Variants in TMED8 observed in about 807,000 individuals in gnomAD.
The protein encoded by TMED8 is protein TMED8.
TMED8 carries 15 observed loss-of-function variants against 32.7 expected under a neutral mutation model. That is an observed-to-expected ratio of 0.46 (90% CI 0.31 to 0.71). The LOEUF (loss-of-function observed/expected upper bound fraction) is 0.71. TMED8 is among the 30% of genes least tolerant of loss of function. TMED8 has a pLI of 0.06. For missense variants in TMED8, 390 were observed against 423.9 expected (o/e 0.92, Z 0.70); for synonymous variants, 147 against 161.4 (o/e 0.91, Z 0.68).
intron 1 of TMED8, chr14:77,359,565 C>A: frequency 4.8e-6 from 2 of 413,018 alleles, no homozygotes; most frequent in South Asian, 1.8e-5. Flanking sequence ...TATCTGCTAT[C>A]GAGTAAAACT....
At chr14:77,372,929 TATATATATATATATA>T (rs1893712551) in intron 1 of TMED8, among the ~76,000 whole-genome samples, 1 of 31,974 alleles carries the variant, frequency 3.1e-5, no homozygotes, top group African/African-American at 2.1e-4. Context: ...TATATATATA[TATATATATATATATA>T]TATATATATT....
intron 1 of TMED8, among the ~76,000 whole-genome samples, chr14:77,375,347 C>T (rs1893788356): frequency 6.6e-6 from 1 of 151,942 alleles, no homozygotes; most frequent in South Asian, 2.1e-4. Flanking sequence ...GAAAAAAAAA[C>T]ACACTCATCT....
At position 77,341,828 on chromosome 14, in the gene TMED8, G is replaced by A. The variant is rs1281447579; in HGVS notation, c.921C>T (p.Asn307=). Residue 307 remains asparagine, a synonymous_variant, in exon 6 of 6, where the codon AAC becomes AAT. Transcript: ENST00000216468. The part of the protein sequence containing the change: ...GEGIYLLKFD[N]SYSLLRNKTL... ...TCTTGTTGCGCAGCAGGGAGTAGGAGTTGTCGAACTTGAGCAGGTAGATGC... is the reference window on the plus strand; with the variant it reads ...TCTTGTTGCGCAGCAGGGAGTAGGAATTGTCGAACTTGAGCAGGTAGATGC... 6.2e-7 allele frequency: 1 copy of A among 1,613,808 alleles called. No homozygotes were observed.
At chr14:77,365,816 T>C (rs2139631671) in intron 1 of TMED8, among the ~76,000 whole-genome samples, 1 of 152,300 alleles carries the variant, frequency 6.6e-6, no homozygotes, top group Middle Eastern at 3.4e-3. Context: ...TTTAAGCTAG[T>C]AAATGACATG....
rs375625130 is a variant in TMED8, at chr14:77,335,800, C to T, written c.*5971G>A. 43 of 152,210 alleles carry T rather than the reference C, an allele frequency of 2.8e-4. No individual in the cohort carries two copies. Among genetic ancestry groups the T allele is most frequent in the African/African-American group, 1.0e-3 (42 of 41,522 alleles). The allele number at this position is 152,210 out of a possible 1,614,324, so 9.4% of individuals were successfully genotyped here. ...TAGACTTGGCTTCTCTTTAACATGG[C>T]TAAATGGAAATAATTTAGCTTGGTT... On this transcript the variant is annotated 3_prime_UTR_variant, in exon 6 of 6. Transcript: ENST00000216468.
Position 77,341,588 on chromosome 14 carries a change from C to T in TMED8, c.*183G>A. 3 of 620,936 alleles carry T rather than the reference C, an allele frequency of 4.8e-6. 1 individual carries two copies. The South Asian group carries it at 5.8e-5, about 12-fold the overall frequency. 38.5% of individuals were successfully genotyped at this position (620,936 alleles called of 1,614,324 possible). On this transcript the variant is annotated 3_prime_UTR_variant, in exon 6 of 6. Coordinates refer to ENST00000216468, the MANE Select transcript of TMED8 (RefSeq NM_213601.3). ...GGACTACAGAACAGGGGCACTACAC[C>T]ACCACCTGCAGAAGCCAAGAAGGGG...
At chr14:77,375,832 T>C (rs1405812974) in intron 1 of TMED8, among the ~76,000 whole-genome samples, 2 of 152,218 alleles carry the variant, frequency 1.3e-5, no homozygotes, top group Non-Finnish European at 2.9e-5. Context: ...GTATAGTGTG[T>C]ACCATGGACT....
chr14:77,343,299 A>G lies in TMED8; in HGVS notation c.639T>C (p.Tyr213=). 1 of 1,614,230 alleles carries G rather than the reference A, an allele frequency of 6.2e-7. No homozygotes were observed. The highest frequency in any genetic ancestry group is 1.1e-5 in the South Asian group (1 of 91,086). Residue 213 remains tyrosine (Y), a synonymous_variant, in exon 5 of 6, where the codon TAT becomes TAC. Transcript: ENST00000216468. ...CAAAATAAACTCCAAAGCCAATGTCATAGTCATCGGTCGCAAACTCCCAGC... is the reference window on the plus strand; with the variant it reads ...CAAAATAAACTCCAAAGCCAATGTCGTAGTCATCGGTCGCAAACTCCCAGC... ...RVCWEFATDD[Y]DIGFGVYFDW...
chr14:77,355,016 C>A (rs147956359), intron 1 of TMED8, among the ~76,000 whole-genome samples: 12 of 151,912 alleles, frequency 7.9e-5, no homozygotes, highest in African/African-American at 2.9e-4. Context: ...ATCTCTTGGG[C>A]TCAAGCGGTC....
chr14:77,362,570 G>C (rs774068418), intron 1 of TMED8, among the ~76,000 whole-genome samples: 1 of 151,732 alleles, frequency 6.6e-6, no homozygotes, highest in Non-Finnish European at 1.5e-5. Context: ...AAGGAACAAG[G>C]GCTCTACAAA....
In TMED8 at chr14:77,343,777, A is replaced by G. The variant is rs777825247; in HGVS notation, c.374T>C (p.Ile125Thr). Residue 125 changes from isoleucine (I) to threonine (T), a missense_variant, in exon 4 of 6, where the codon ATC becomes ACC. By Grantham distance (89) the Ile-to-Thr change is moderately conservative (BLOSUM62 -1). Transcript: ENST00000216468. ...VPQRSGDIVM[I>T]QSEHTGAIDV... ...TATAGCTCCTGTATGTTCAGACTGG[A>G]TCATAACGATGTCCCCAGACCTCTG... 1.9e-6 allele frequency: 3 copies of G among 1,614,138 alleles called. No individual in the cohort carries two copies. The highest frequency in any genetic ancestry group is 2.5e-6 in the Non-Finnish European group (3 of 1,180,026).
chr14:77,371,776 A>G (rs1303282952), intron 1 of TMED8, among the ~76,000 whole-genome samples: 1 of 152,216 alleles, frequency 6.6e-6, no homozygotes, highest in East Asian at 1.9e-4. Context: ...CAATTTTCCT[A>G]TAGTATAGCT....
At chr14:77,352,241 C>A (rs528385418) in intron 1 of TMED8, among the ~76,000 whole-genome samples, 3 of 151,930 alleles carry the variant, frequency 2.0e-5, no homozygotes, top group African/African-American at 7.2e-5. Flanking sequence ...ACAGTGAAAC[C>A]CCATCTCTAC....
chr14:77,368,284 T>A (rs529572315), intron 1 of TMED8, among the ~76,000 whole-genome samples: 6 of 152,332 alleles, frequency 3.9e-5, no homozygotes, highest in Admixed American at 3.9e-4. Flanking sequence ...ATCATTTCAT[T>A]ACTCTGGACC....
intron 1 of TMED8, among the ~76,000 whole-genome samples, chr14:77,370,777 ACTT>A (rs2139637579): frequency 6.8e-6 from 1 of 147,488 alleles, no homozygotes; most frequent in Admixed American, 6.9e-5. Flanking sequence ...ATACTTTTTC[ACTT>A]TTTTACACAA....
At chr14:77,348,898 G>T (rs556896330) in intron 2 of TMED8, among the ~76,000 whole-genome samples, 2 of 152,222 alleles carry the variant, frequency 1.3e-5, no homozygotes, top group East Asian at 3.9e-4. Flanking sequence ...GTTCACTTGG[G>T]TAATTCAGTG....
At position 77,338,095 on chromosome 14, in the gene TMED8, A is replaced by G. The variant is rs1892808387; in HGVS notation, c.*3676T>C. 1 of 152,146 alleles carries G rather than the reference A, an allele frequency of 6.6e-6. No homozygotes were observed. Among genetic ancestry groups the G allele is most frequent in the Non-Finnish European group, 1.5e-5 (1 of 68,030 alleles). 9.4% of individuals were successfully genotyped at this position (152,146 alleles called of 1,614,324 possible). A position where few individuals can be genotyped will look rare whatever the true frequency, so the allele number is the denominator to read the frequency against. On this transcript the variant is annotated 3_prime_UTR_variant, in exon 6 of 6. Coordinates refer to ENST00000216468, the MANE Select transcript of TMED8 (RefSeq NM_213601.3). ...ACCCTCTTCCCTTTGGAATTTAAAT[A>G]CAACTGACCAGCATTAACATTAAAA...
At chr14:77,375,942 A>G (rs1893804739) in intron 1 of TMED8, among the ~76,000 whole-genome samples, 1 of 152,240 alleles carries the variant, frequency 6.6e-6, no homozygotes, top group Non-Finnish European at 1.5e-5. Flanking sequence ...GAGGAAACTG[A>G]CGTTTCAGAC....
At chr14:77,358,124 C>CAAAAAA (rs35361617) in intron 1 of TMED8, among the ~76,000 whole-genome samples, 2 of 76,226 alleles carry the variant, frequency 2.6e-5, no homozygotes, top group Admixed American at 1.8e-4. Context: ...GCTCTGTCTC[C>CAAAAAA]AAAAAAAAAA....
Sources: allele counts gnomAD v4.1 joint callset (sites outside exome capture counted in the v4.1 genomes callset), GRCh38; gene constraint gnomAD v4.1.1; transcripts MANE v1.5; gene names NCBI Gene and HGNC (gene_info 2026-07-23, HGNC 2026-07-21).